Variants in RGS9 observed in about 807,000 individuals in gnomAD.
RGS9 encodes regulator of G protein signaling 9.
RGS9 carries 78 observed loss-of-function variants against 102.0 expected under a neutral mutation model. The ratio of observed to expected loss-of-function variants is 0.76; its 90% CI spans 0.64 to 0.92. The LOEUF (loss-of-function observed/expected upper bound fraction) is 0.92, where lower values mean the gene tolerates loss of function less well. Among genes scored for constraint, RGS9 ranks in the 40% least tolerant of loss-of-function variants. The pLI, the probability that RGS9 is intolerant of heterozygous loss-of-function variation, is 0.00. For missense variants in RGS9, 833 were observed against 866.1 expected (o/e 0.96, Z 0.48); for synonymous variants, 353 against 318.6 (o/e 1.11, Z -1.15).
intron 13 of RGS9, among the ~76,000 whole-genome samples, chr17:65,199,592 C>T (rs141151355): frequency 1.4e-5 from 2 of 145,996 alleles, no homozygotes; most frequent in African/African-American, 5.1e-5. Flanking sequence ...CTCCCGGGTT[C>T]AAGTGATTCT....
chr17:65,139,124 C>T (rs1766505557), intron 1 of RGS9, among the ~76,000 whole-genome samples: 5 of 137,578 alleles, frequency 3.6e-5, no homozygotes, highest in Admixed American at 7.0e-5. Flanking sequence ...CCCACCTTTC[C>T]CTCCTCCACC....
At chr17:65,216,025 T>G (rs1045699212) in intron 17 of RGS9, among the ~76,000 whole-genome samples, 6 of 152,160 alleles carry the variant, frequency 3.9e-5, no homozygotes, top group African/African-American at 1.4e-4. Flanking sequence ...AAGTGATGGA[T>G]CCTATCTGGA....
At chr17:65,206,036 G>A (rs1644432969) in intron 15 of RGS9, among the ~76,000 whole-genome samples, 1 of 152,152 alleles carries the variant, frequency 6.6e-6, no homozygotes. Flanking sequence ...TAGGCTATGT[G>A]ATATAGGCTG....
chr17:65,185,456 T>C (rs985709115), intron 9 of RGS9: 1 of 152,870 alleles, frequency 6.5e-6, no homozygotes, highest in African/African-American at 2.4e-5. Context: ...ACGCCTGGAA[T>C]TGGGCATCAG....
At chr17:65,143,743 G>A (rs543985650) in intron 1 of RGS9, among the ~76,000 whole-genome samples, 1 of 149,766 alleles carries the variant, frequency 6.7e-6, no homozygotes, top group African/African-American at 2.5e-5. Context: ...GCAGTGAGCC[G>A]AGATTGTGCC....
At chr17:65,148,186 C>T (rs1039690931) in intron 1 of RGS9, among the ~76,000 whole-genome samples, 8 of 152,176 alleles carry the variant, frequency 5.3e-5, no homozygotes, top group South Asian at 2.1e-4. Flanking sequence ...CTTCTGTGAC[C>T]GGCCTATTTC....
chr17:65,189,132 A>G (rs1912254076), intron 9 of RGS9, 154 bp from the exon 10 acceptor site: 1 of 674,146 alleles, frequency 1.5e-6, no homozygotes. Flanking sequence ...CATAGAATAG[A>G]GTGGAGGCAG....
In RGS9 at chr17:65,205,395, TGGTTATGTGATACA is replaced by T. The variant is rs545228398; in HGVS notation, c.1203+1107_1203+1120del. On this transcript the variant is annotated intron_variant, in intron 15 of 18. Transcript: ENST00000262406. ...ATTATGTGATATAGGTTATGGATAT[TGGTTATGTGATACA>T]GGTTATGTGATATAGACCATCTGAT... Among the ~76,000 whole-genome samples, 210 of 152,254 alleles carry T rather than the reference TGGTTATGTGATACA, an allele frequency of 1.4e-3. 4 individuals carry two copies. In the East Asian group the frequency reaches 0.034, roughly 25 times the overall value.
chr17:65,225,129 G>A lies in RGS9; in HGVS notation c.1535G>A (p.Arg512His), dbSNP rs766188482. ...AGGAAGCCTTTCGCCTCACCCAGCC[G>A]CTTCATCCGGCGACCCAGCACCACC... ...SPRKPFASPS[R>H]FIRRPSTTIC... The change falls in exon 18 of 19, where the codon CGC becomes CAC. Residue 512 changes from arginine to histidine, a missense_variant. Transcript: ENST00000262406. 30 of 1,613,472 alleles carry A rather than the reference G, an allele frequency of 1.9e-5. No homozygotes were observed. In the East Asian group the frequency reaches 2.5e-4, roughly 13 times the overall value.
intron 8 of RGS9, among the ~76,000 whole-genome samples, chr17:65,172,697 G>T (rs1396632999): frequency 6.6e-6 from 1 of 152,126 alleles, no homozygotes; most frequent in African/African-American, 2.4e-5. Flanking sequence ...CTGGTGGAGA[G>T]ACAAAGACTA....
intron 17 of RGS9, among the ~76,000 whole-genome samples, chr17:65,223,597 C>T (rs1328640555): frequency 2.0e-5 from 3 of 152,202 alleles, no homozygotes; most frequent in South Asian, 4.1e-4. Flanking sequence ...TCCTTCAGCC[C>T]GGGGGCAGTG....
intron 7 of RGS9, among the ~76,000 whole-genome samples, chr17:65,166,175 T>C (rs1911172902): frequency 6.6e-6 from 1 of 152,214 alleles, no homozygotes; most frequent in Admixed American, 6.5e-5. Flanking sequence ...GTGACTGCTG[T>C]CCCACCTTTT....
chr17:65,149,673 A>G (rs1910504034), intron 1 of RGS9, among the ~76,000 whole-genome samples: 1 of 152,240 alleles, frequency 6.6e-6, no homozygotes, highest in African/African-American at 2.4e-5. Flanking sequence ...TCTCCTGATA[A>G]AGCATATATC....
intron 7 of RGS9, among the ~76,000 whole-genome samples, chr17:65,165,170 G>A (rs909540711): frequency 6.6e-6 from 1 of 152,076 alleles, no homozygotes; most frequent in Non-Finnish European, 1.5e-5. Context: ...ACAGGACTAT[G>A]AACCCTGACA....
chr17:65,150,049 A>T (rs1910515766), intron 1 of RGS9, among the ~76,000 whole-genome samples: 1 of 152,192 alleles, frequency 6.6e-6, no homozygotes. Context: ...GGCTAAATGG[A>T]GGGGAAGCAG....
chr17:65,208,273 A>G (rs1162373918), intron 16 of RGS9, among the ~76,000 whole-genome samples: 1 of 152,124 alleles, frequency 6.6e-6, no homozygotes, highest in Non-Finnish European at 1.5e-5. Flanking sequence ...ACCAATAATT[A>G]CCCTTATCAC....
intron 10 of RGS9, among the ~76,000 whole-genome samples, chr17:65,189,517 C>A (rs1000953492): frequency 1.3e-5 from 2 of 152,170 alleles, no homozygotes; most frequent in African/African-American, 4.8e-5. Context: ...GGCTGGCACT[C>A]AGGGTCTGAA....
intron 9 of RGS9, among the ~76,000 whole-genome samples, chr17:65,184,830 CTTCCTTCCTTCT>C (rs1473794565): frequency 2.1e-5 from 3 of 143,566 alleles, no homozygotes; most frequent in Non-Finnish European, 4.5e-5. Context: ...TCTCTCCTTC[CTTCCTTCCTTCT>C]TTCCTTCCTT....
chr17:65,197,245 G>A lies in RGS9; in HGVS notation c.976+4G>A, dbSNP rs1007332804. 4 of 1,575,360 alleles carry A rather than the reference G, an allele frequency of 2.5e-6. No individual in the cohort carries two copies. The African/African-American group carries it at 5.4e-5, about 21-fold the overall frequency. On this transcript the variant is annotated splice_donor_region_variant and intron_variant, in intron 13 of 18. Coordinates refer to ENST00000262406, the MANE Select transcript of RGS9 (RefSeq NM_003835.4). ...TTCCTCAAGAAAGAATTCAGTGGTG[G>A]GTCTTTGTTTACAAAAAAAAATTAA...
Sources: allele counts gnomAD v4.1 joint callset (sites outside exome capture counted in the v4.1 genomes callset), GRCh38; gene constraint gnomAD v4.1.1; transcripts MANE v1.5; gene names NCBI Gene and HGNC (gene_info 2026-07-23, HGNC 2026-07-21).